The following CYYR1 variants were observed in gnomAD, a reference collection of about 807,000 sequenced individuals.
CYYR1 encodes cysteine and tyrosine rich 1.
In CYYR1, 14 loss-of-function variants were observed where a neutral mutation model predicts 15.2. The observed-to-expected ratio is 0.92, with a 90% CI of 0.61 to 1.44. The LOEUF (loss-of-function observed/expected upper bound fraction) is 1.44. Ranked by LOEUF, CYYR1 falls within the 40% of genes most tolerant of loss-of-function variation. The pLI is 0.00. For synonymous variants in CYYR1, 80 were observed against 77.4 expected, an observed-to-expected ratio of 1.03 and a Z score of -0.18; for missense variants, 228 against 209.5, an observed-to-expected ratio of 1.09 and a Z score of -0.54.
Position 26,540,286 on chromosome 21 carries a change from A to ACCC in CYYR1, c.176+25979_176+25980insGGG, listed in dbSNP as rs1978453731. Among the ~76,000 whole-genome samples the ACCC allele has an allele frequency of 2.0e-5, 3 of 152,188 alleles. No individual in the cohort carries two copies. In the South Asian group the frequency reaches 6.2e-4, roughly 32 times the overall value. On this transcript the variant is annotated intron_variant, in intron 2 of 3. Transcript: ENST00000652641. ...CCACCATAAATTGGAAGTGAATCAA[A>ACCC]ACTGGGAAGAAGGAAATGGAACTGA...
intron 2 of CYYR1, among the ~76,000 whole-genome samples, chr21:26,505,215 T>C: frequency 6.6e-6 from 1 of 152,230 alleles, no homozygotes; most frequent in African/African-American, 2.4e-5. Context: ...AATTACACTT[T>C]GTTTTCCATA....
intron 2 of CYYR1, among the ~76,000 whole-genome samples, chr21:26,507,695 G>A (rs536444287): frequency 5.0e-4 from 76 of 152,260 alleles, no homozygotes; most frequent in Admixed American, 2.3e-3. Flanking sequence ...GAACAAGTTC[G>A]ATATTAAAAT....
intron 3 of CYYR1, among the ~76,000 whole-genome samples, chr21:26,473,615 T>C (rs1440230293): frequency 6.6e-6 from 1 of 152,150 alleles, no homozygotes; most frequent in Non-Finnish European, 1.5e-5. Context: ...GCACCCTCTT[T>C]CCCTGCCTCC....
chr21:26,500,667 T>C (rs1170663648), intron 2 of CYYR1, among the ~76,000 whole-genome samples: 3 of 151,862 alleles, frequency 2.0e-5, no homozygotes, highest in Non-Finnish European at 4.4e-5. Context: ...GGGCCTGCAC[T>C]GGGGGTGGGG....
At chr21:26,489,806 A>G (rs987762549) in intron 2 of CYYR1, among the ~76,000 whole-genome samples, 17 of 152,304 alleles carry the variant, frequency 1.1e-4, no homozygotes, top group African/African-American at 4.1e-4. Context: ...GTATTGACTC[A>G]GTAGTACTGA....
rs532831126 is a variant in CYYR1, at chr21:26,555,948, A to G, written c.176+10318T>C. Among the ~76,000 whole-genome samples, 16 of 152,308 alleles carry G rather than the reference A, an allele frequency of 1.1e-4. No homozygotes were observed. In the South Asian group the frequency reaches 2.9e-3, roughly 28 times the overall value. On this transcript the variant is annotated intron_variant, in intron 2 of 3. Coordinates refer to ENST00000652641, the MANE Select transcript of CYYR1 (RefSeq NM_001320768.2). ...AGTTGCACAGGAGCCTGTTGTCTTA[A>G]CAGTCATAGGCTGGCAGATCATATT...
rs2065847188 is a variant in CYYR1, at chr21:26,525,059, G to C, written c.176+41207C>G. Among the ~76,000 whole-genome samples the C allele has an allele frequency of 2.0e-5, 3 of 152,202 alleles. No individual in the cohort carries two copies. In the South Asian group the frequency reaches 6.2e-4, roughly 32 times the overall value. On this transcript the variant is annotated intron_variant, in intron 2 of 3. Coordinates refer to ENST00000652641, the MANE Select transcript of CYYR1 (RefSeq NM_001320768.2). ...TCTGATGCCCTACATGAAATCCTCA[G>C]TACCATCTTCCAATTCATTAAATCT...
chr21:26,520,590 T>C (rs1418604496), intron 2 of CYYR1, among the ~76,000 whole-genome samples: 1 of 152,224 alleles, frequency 6.6e-6, no homozygotes, highest in African/African-American at 2.4e-5. Flanking sequence ...TTTGGGTATA[T>C]ACCCAGTAAT....
chr21:26,513,319 G>A (rs2065676569), intron 2 of CYYR1, among the ~76,000 whole-genome samples: 1 of 152,080 alleles, frequency 6.6e-6, no homozygotes, highest in Non-Finnish European at 1.5e-5. Flanking sequence ...GCTCATCTTT[G>A]TACCTCTAAG....
At chr21:26,543,801 G>C (rs964031892) in intron 2 of CYYR1, among the ~76,000 whole-genome samples, 4 of 152,116 alleles carry the variant, frequency 2.6e-5, no homozygotes, top group African/African-American at 7.2e-5. Flanking sequence ...AGCTACTCAG[G>C]AGGCTGAGGC....
At chr21:26,557,090 GC>G (rs2123702544) in intron 2 of CYYR1, among the ~76,000 whole-genome samples, 1 of 152,200 alleles carries the variant, frequency 6.6e-6, no homozygotes, top group African/African-American at 2.4e-5. Flanking sequence ...CTTATTCTGA[GC>G]CTCATCCTCC....
chr21:26,476,585 C>CTATCTATCT (rs1555902962), intron 3 of CYYR1, among the ~76,000 whole-genome samples: 5 of 143,738 alleles, frequency 3.5e-5, no homozygotes, highest in African/African-American at 8.3e-5. Context: ...CCCTATCTAT[C>CTATCTATCT]ATCTATCTAT....
chr21:26,508,197 G>A (rs222977), intron 2 of CYYR1, among the ~76,000 whole-genome samples: 146,443 of 152,310 alleles, frequency 0.96, 70,462 homozygotes, highest in African/African-American at 0.99. Flanking sequence ...AACAACAAGC[G>A]GCTTTGTGTG....
chr21:26,487,037 T>C (rs1010959829), intron 2 of CYYR1, among the ~76,000 whole-genome samples: 1 of 151,902 alleles, frequency 6.6e-6, no homozygotes, highest in African/African-American at 2.4e-5. Context: ...AGTAGAAAAA[T>C]TAAAAAGGCC....
intron 2 of CYYR1, among the ~76,000 whole-genome samples, chr21:26,510,195 C>T (rs968251263): frequency 2.0e-5 from 3 of 152,130 alleles, no homozygotes; most frequent in Non-Finnish European, 4.4e-5. Flanking sequence ...TGTAGGCAAC[C>T]GTTCAAATGC....
chr21:26,517,144 A>AAAAAAAAAAAAG (rs1491223332), intron 2 of CYYR1, among the ~76,000 whole-genome samples: 1 of 111,394 alleles, frequency 9.0e-6, no homozygotes, highest in African/African-American at 3.6e-5. Flanking sequence ...AAAAAAAAAA[A>AAAAAAAAAAAAG]GAATTCACTG....
At chr21:26,499,008 G>A (rs1053597323) in intron 2 of CYYR1, among the ~76,000 whole-genome samples, 1 of 152,152 alleles carries the variant, frequency 6.6e-6, no homozygotes, top group Non-Finnish European at 1.5e-5. Flanking sequence ...AACCATATCA[G>A]CTGTGTTTCA....
intron 2 of CYYR1, among the ~76,000 whole-genome samples, chr21:26,557,061 T>C (rs2123702477): frequency 6.6e-6 from 1 of 152,258 alleles, no homozygotes; most frequent in African/African-American, 2.4e-5. Context: ...GCCCTTTACA[T>C]AGCAGCTATA....
rs368724816 is a variant in CYYR1, at chr21:26,467,117, A to G, written c.*1384T>C. On this transcript the variant is annotated 3_prime_UTR_variant, in exon 4 of 4. Coordinates refer to ENST00000652641, the MANE Select transcript of CYYR1 (RefSeq NM_001320768.2). ...TGTTTTGGGATTTCACTGAATTTTG[A>G]TGATGATATTGGATTAAGCATTTTA... 1 of 152,196 alleles carries G rather than the reference A, an allele frequency of 6.6e-6. No individual in the cohort carries two copies. Among genetic ancestry groups the G allele is most frequent in the East Asian group, 1.9e-4 (1 of 5,194 alleles). 9.4% of individuals were successfully genotyped at this position (152,196 alleles called of 1,614,324 possible).
Sources: allele counts gnomAD v4.1 joint callset (sites outside exome capture counted in the v4.1 genomes callset), GRCh38; gene constraint gnomAD v4.1.1; transcripts MANE v1.5; gene names NCBI Gene and HGNC (gene_info 2026-07-23, HGNC 2026-07-21).